AKR1C2: variants seen among roughly 807,000 people sequenced by gnomAD.
AKR1C2 encodes the protein 3-alpha-HSD3.
In AKR1C2, 27 loss-of-function variants were observed where a neutral mutation model predicts 39.8. The ratio of observed to expected loss-of-function variants is 0.68; its 90% CI spans 0.50 to 0.93. AKR1C2 has a LOEUF of 0.93. AKR1C2 is among the 40% of genes least tolerant of loss of function. AKR1C2 has a pLI of 0.00. For synonymous variants in AKR1C2, 114 were observed against 137.9 expected (o/e 0.83, Z 1.22); for missense variants, 263 against 365.1 (o/e 0.72, Z 2.28).
At chr10:5,002,995 C>T (rs1837317630) in intron 1 of AKR1C2, among the ~76,000 whole-genome samples, 1 of 152,158 alleles carries the variant, frequency 6.6e-6, no homozygotes, top group African/African-American at 2.4e-5. Flanking sequence ...TTCCTATTCA[C>T]ACACATTGTA....
chr10:4,989,497 G>C lies in AKR1C2; in HGVS notation c.*499C>G, dbSNP rs1342011162. ...AGAAACTCTGACCCTCGCACTGCTG[G>C]AGGGAGCCCATGAATTGCTAGTCAA... On this transcript the variant is annotated 3_prime_UTR_variant, in exon 9 of 9. Transcript: ENST00000380753. 2 of 153,318 alleles carry C rather than the reference G, an allele frequency of 1.3e-5. No homozygotes were observed. The highest frequency in any genetic ancestry group is 1.9e-4 in the East Asian group (1 of 5,150). 9.5% of individuals were successfully genotyped at this position (153,318 alleles called of 1,614,324 possible). A position where few individuals can be genotyped will look rare whatever the true frequency, so the allele number is the denominator to read the frequency against.
At chr10:5,007,065 C>T (rs1427061321), upstream of AKR1C2, among the ~76,000 whole-genome samples, 2 of 147,802 alleles carry the variant, frequency 1.4e-5, no homozygotes, top group African/African-American at 5.0e-5. Context: ...AGCCACTGCA[C>T]CCAGCCAAAT....
upstream of AKR1C2, among the ~76,000 whole-genome samples, chr10:5,006,239 C>A (rs1179269181): frequency 6.6e-6 from 1 of 152,144 alleles, no homozygotes; most frequent in African/African-American, 2.4e-5. Context: ...CAAAAATCTA[C>A]AAATTCAAGT....
At chr10:4,999,357 A>C in intron 3 of AKR1C2, 80 bp from the exon 4 acceptor site, 1 of 1,602,194 alleles carries the variant, frequency 6.2e-7, no homozygotes, top group Non-Finnish European at 8.5e-7. Flanking sequence ...ACATTTAAGG[A>C]CACTAATCCT....
At chr10:5,009,138 A>G (rs1383057674) in intron 1 of AKR1C2, among the ~76,000 whole-genome samples, 1 of 152,224 alleles carries the variant, frequency 6.6e-6, no homozygotes, top group Admixed American at 6.5e-5. Flanking sequence ...GAAAAGACAG[A>G]GATGCCTAAA....
At chr10:5,000,308 T>C (rs1165008187) in intron 3 of AKR1C2, 28 of 1,491,630 alleles carry the variant, frequency 1.9e-5, no homozygotes, top group Non-Finnish European at 2.5e-5. Context: ...TTTCCTCAAG[T>C]TTTTGAGGCA....
chr10:4,992,353 C>A (rs1836868773), intron 7 of AKR1C2, among the ~76,000 whole-genome samples: 1 of 152,150 alleles, frequency 6.6e-6, no homozygotes, highest in Non-Finnish European at 1.5e-5. Context: ...ATCACTCAAG[C>A]CAATAATTGT....
At position 4,991,731 on chromosome 10, in the gene AKR1C2, C is replaced by T. The variant is rs1308719865; in HGVS notation, c.929+100G>A. 9 of 240,086 alleles carry T rather than the reference C, an allele frequency of 3.7e-5. No homozygotes were observed. The East Asian group carries it at 6.6e-4, about 18-fold the overall frequency. The allele number at this position is 240,086 out of a possible 1,614,324, so 14.9% of individuals were successfully genotyped here. ...AAGCTCCTGTCTCACCTCTGTCTCA[C>T]GTTGGCCTCTGTGCCCCTGGTGTGG... is the stretch of plus-strand genomic sequence containing the variant. On this transcript the variant is annotated intron_variant, in intron 8 of 8. Transcript: ENST00000380753.
intron 1 of AKR1C2, among the ~76,000 whole-genome samples, chr10:5,014,730 T>A (rs1301089853): frequency 2.6e-5 from 4 of 152,232 alleles, no homozygotes; most frequent in African/African-American, 9.6e-5. Context: ...GCTGATGGCA[T>A]GGACAATGTC....
intron 1 of AKR1C2, among the ~76,000 whole-genome samples, chr10:5,009,033 G>A (rs1289546243): frequency 6.6e-6 from 1 of 152,170 alleles, no homozygotes; most frequent in Non-Finnish European, 1.5e-5. Flanking sequence ...GTGGAAAATG[G>A]TGGGATGCCA....
intron 3 of AKR1C2, 99 bp downstream of exon 3, chr10:5,000,451 C>G: frequency 2.5e-6 from 4 of 1,606,160 alleles, no homozygotes; most frequent in Non-Finnish European, 3.4e-6. Context: ...GTTAAAATCC[C>G]TATGTCCTCC....
chr10:5,017,338 C>T (rs544595415), intron 1 of AKR1C2, among the ~76,000 whole-genome samples: 12 of 152,176 alleles, frequency 7.9e-5, no homozygotes, highest in African/African-American at 1.4e-4. Flanking sequence ...TGGGCATGCA[C>T]GTGAGAATAT....
chr10:4,989,846 G>C lies in AKR1C2; in HGVS notation c.*150C>G. ...AACAAAATTATTGTCTTTCTTTTCC[G>C]GCCGATGGGCTTAGCTGTAGCTTAC... On this transcript the variant is annotated 3_prime_UTR_variant, in exon 9 of 9. Transcript: ENST00000380753. 1 of 1,145,032 alleles carries C rather than the reference G, an allele frequency of 8.7e-7. No homozygotes were observed. 70.9% of individuals were successfully genotyped at this position (1,145,032 alleles called of 1,614,324 possible). A position where few individuals can be genotyped will look rare whatever the true frequency, so the allele number is the denominator to read the frequency against.
At chr10:5,007,694 C>G (rs1173563584), upstream of AKR1C2, among the ~76,000 whole-genome samples, 4 of 151,292 alleles carry the variant, frequency 2.6e-5, no homozygotes, top group Non-Finnish European at 2.9e-5. Context: ...GTCTCTAAAG[C>G]CTTATCAGGT....
At position 5,001,686 on chromosome 10, in the gene AKR1C2, G is replaced by C; in HGVS notation, c.85-5C>G. ...TAGAGCTTTACTTTTAGGAACCTGG[G>C]GGAGCAACCAAACGTAATATTTTCT... is the stretch of plus-strand genomic sequence containing the variant. On this transcript the variant is annotated splice_region_variant and splice_polypyrimidine_tract_variant and intron_variant, in intron 1 of 8. Coordinates refer to ENST00000380753, the MANE Select transcript of AKR1C2 (RefSeq NM_001393392.1). The C allele has an allele frequency of 6.2e-7, 1 of 1,613,594 alleles. No individual in the cohort carries two copies. The highest frequency in any genetic ancestry group is 8.5e-7 in the Non-Finnish European group (1 of 1,179,700).
intron 7 of AKR1C2, among the ~76,000 whole-genome samples, chr10:4,993,655 A>G (rs1836917236): frequency 6.6e-6 from 1 of 152,122 alleles, no homozygotes; most frequent in African/African-American, 2.4e-5. Flanking sequence ...TTTGTTTGTG[A>G]AAACATAACC....
At position 4,989,376 on chromosome 10, in the gene AKR1C2, T is replaced by C. The variant is rs1389514265; in HGVS notation, c.*620A>G. ...AGCAGAGATGTACTCGACTCTGTCC[T>C]ATTTAGCCTTCCCATACCTGACTTC... On this transcript the variant is annotated 3_prime_UTR_variant, in exon 9 of 9. Coordinates refer to ENST00000380753, the MANE Select transcript of AKR1C2 (RefSeq NM_001393392.1). The C allele has an allele frequency of 1.3e-5, 2 of 152,038 alleles. No homozygotes were observed. Among genetic ancestry groups the C allele is most frequent in the African/African-American group, 4.8e-5 (2 of 41,336 alleles). 9.4% of individuals were successfully genotyped at this position (152,038 alleles called of 1,614,324 possible).
chr10:4,994,840 G>C (rs1246842917), intron 7 of AKR1C2, among the ~76,000 whole-genome samples: 1 of 143,548 alleles, frequency 7.0e-6, no homozygotes, highest in African/African-American at 2.6e-5. Context: ...CTAAGGTATT[G>C]GTATAAATAT....
rs139670873 is a variant in AKR1C2, at chr10:4,998,706, G to A, written c.489C>T (p.Ile163=). The A allele has an allele frequency of 5.8e-5, 94 of 1,614,128 alleles. No homozygotes were observed. Among genetic ancestry groups the A allele is most frequent in the Admixed American group, 1.8e-4 (11 of 60,030 alleles). Residue 163 remains isoleucine, a synonymous_variant, in exon 5 of 9, where the codon ATC becomes ATT. Coordinates refer to ENST00000380753, the MANE Select transcript of AKR1C2 (RefSeq NM_001393392.1). ...GCCTGTGGTTGAAGTTGGACACCCC[G>A]ATGGACTTGGCCAATCCTGCATCTT... ...KCKDAGLAKS[I]GVSNFNHRLL... is the part of the protein sequence containing the mutation.
Sources: gnomAD v4.1 joint callset for allele counts (sites outside exome capture counted in the v4.1 genomes callset) on GRCh38, gnomAD v4.1.1 for gene constraint, MANE v1.5 for transcripts, NCBI Gene and HGNC (gene_info 2026-07-23, HGNC 2026-07-21) for gene names.